NPFFR1: variants seen among roughly 807,000 people sequenced by gnomAD.
The protein encoded by NPFFR1 is G-protein coupled receptor 147.
Under a neutral mutation model 12.7 loss-of-function variants are expected in NPFFR1, and 17 were observed. The observed-to-expected ratio is 1.34, with a 90% CI of 0.92 to 2.01. NPFFR1 has a LOEUF of 2.01. Among genes scored for constraint, NPFFR1 ranks in the 30% most tolerant of loss-of-function variants. NPFFR1 has a pLI of 0.00. For synonymous variants in NPFFR1, 296 were observed against 264.5 expected (o/e 1.12, Z -1.16); for missense variants, 604 against 606.5 (o/e 1.00, Z 0.04).
Position 70,255,873 on chromosome 10 carries a change from C to A in NPFFR1, c.423-46G>T. Reference sequence around the variant, plus strand: ...GGCGGGATCTGGGTGGGTCCTAGGGCCCCTGCGAGGGGACGGTGGGTGGGA... The same window carrying A: ...GGCGGGATCTGGGTGGGTCCTAGGGACCCTGCGAGGGGACGGTGGGTGGGA... On this transcript the variant is annotated intron_variant, in intron 3 of 3. Coordinates refer to ENST00000277942, the MANE Select transcript of NPFFR1 (RefSeq NM_022146.5). The surrounding 1 kb of genome is among the most constrained non-coding windows in gnomAD (Gnocchi z 4.2). 6.5e-7 allele frequency: 1 copy of A among 1,546,850 alleles called. No homozygotes were observed.
chr10:70,254,944 T>C lies in NPFFR1; in HGVS notation c.*13A>G. On this transcript the variant is annotated 3_prime_UTR_variant, in exon 4 of 4. Transcript: ENST00000277942. ...GGGGCCCTGAGGCAGCGTCCCGCCC[T>C]CCCTGGACCCCCTCAGATATCCCAG... 2 of 944,818 alleles carry C rather than the reference T, an allele frequency of 2.1e-6. No individual in the cohort carries two copies. The highest frequency in any genetic ancestry group is 2.8e-6 in the Non-Finnish European group (2 of 711,388). The allele number at this position is 944,818 out of a possible 1,614,324, so 58.5% of individuals were successfully genotyped here. A position where few individuals can be genotyped will look rare whatever the true frequency, so the allele number is the denominator to read the frequency against.
chr10:70,258,304 C>CAA (rs35618176), intron 3 of NPFFR1, among the ~76,000 whole-genome samples: 55 of 137,132 alleles, frequency 4.0e-4, no homozygotes, highest in African/African-American at 1.1e-3. Flanking sequence ...ACCTTGTCTC[C>CAA]AAAAAAAAAA....
chr10:70,282,688 A>G (rs2136814264), intron 1 of NPFFR1, among the ~76,000 whole-genome samples: 1 of 152,290 alleles, frequency 6.6e-6, no homozygotes, highest in African/African-American at 2.4e-5. Context: ...GCTGAATGTT[A>G]AGTTCCCCCA....
chr10:70,272,211 G>GAAAGAGAGAGA (rs10664195), intron 1 of NPFFR1, among the ~76,000 whole-genome samples: 4 of 55,822 alleles, frequency 7.2e-5, no homozygotes, highest in Admixed American at 2.0e-4. Context: ...AAGAAAGAAA[G>GAAAGAGAGAGA]GAAAGAAAGA....
At chr10:70,262,977 G>A (rs1840648834) in intron 2 of NPFFR1, among the ~76,000 whole-genome samples, 1 of 152,080 alleles carries the variant, frequency 6.6e-6, no homozygotes, top group Admixed American at 6.6e-5. Context: ...GGGTAATATA[G>A]TGAGACTCTG....
chr10:70,273,062 G>A (rs1840766176), intron 1 of NPFFR1, among the ~76,000 whole-genome samples: 2 of 152,162 alleles, frequency 1.3e-5, no homozygotes, highest in Admixed American at 6.5e-5. Context: ...CTAATCAGAA[G>A]GAAACTGATA....
chr10:70,254,928 A>G lies in NPFFR1; in HGVS notation c.*29T>C. On this transcript the variant is annotated 3_prime_UTR_variant, in exon 4 of 4. Coordinates refer to ENST00000277942, the MANE Select transcript of NPFFR1 (RefSeq NM_022146.5). The stretch of plus-strand genomic sequence containing the variant: ...TATCTCGTGTCCAATCGGGGCCCTG[A>G]GGCAGCGTCCCGCCCTCCCTGGACC... 7.2e-7 allele frequency: 1 copy of G among 1,393,776 alleles called. No individual in the cohort carries two copies. Among genetic ancestry groups the G allele is most frequent in the South Asian group, 1.7e-5 (1 of 59,524 alleles). The allele number at this position is 1,393,776 out of a possible 1,614,324, so 86.3% of individuals were successfully genotyped here.
rs925126025 is a variant in NPFFR1 at position 70,254,532 on chromosome 10, C to G, written c.*425G>C. 1 of 165,712 alleles carries G rather than the reference C, an allele frequency of 6.0e-6. No individual in the cohort carries two copies. Among genetic ancestry groups the G allele is most frequent in the East Asian group, 1.7e-4 (1 of 5,772 alleles). 10.3% of individuals were successfully genotyped at this position (165,712 alleles called of 1,614,324 possible). ...GACTTACTCAGTTCACAGTGTTCTACCTTACCGGGCCCTCTTGGAGCCAGC... is the reference window on the plus strand; with the variant it reads ...GACTTACTCAGTTCACAGTGTTCTAGCTTACCGGGCCCTCTTGGAGCCAGC... On this transcript the variant is annotated 3_prime_UTR_variant, in exon 4 of 4. Coordinates refer to ENST00000277942, the MANE Select transcript of NPFFR1 (RefSeq NM_022146.5).
chr10:70,254,955 C>T lies in NPFFR1; in HGVS notation c.*2G>A. ...GCAGCGTCCCGCCCTCCCTGGACCCCCTCAGATATCCCAGGCTGGAATGGT... is the reference window on the plus strand; with the variant it reads ...GCAGCGTCCCGCCCTCCCTGGACCCTCTCAGATATCCCAGGCTGGAATGGT... On this transcript the variant is annotated 3_prime_UTR_variant, in exon 4 of 4. Coordinates refer to ENST00000277942, the MANE Select transcript of NPFFR1 (RefSeq NM_022146.5). 1 of 1,427,370 alleles carries T rather than the reference C, an allele frequency of 7.0e-7. No individual in the cohort carries two copies. Among genetic ancestry groups the T allele is most frequent in the Non-Finnish European group, 9.1e-7 (1 of 1,097,498 alleles). The allele number at this position is 1,427,370 out of a possible 1,614,324, so 88.4% of individuals were successfully genotyped here.
intron 1 of NPFFR1, among the ~76,000 whole-genome samples, chr10:70,270,354 T>C (rs184196451): frequency 6.6e-6 from 1 of 152,258 alleles, no homozygotes; most frequent in Non-Finnish European, 1.5e-5. Context: ...CAGCACCTGT[T>C]GGGAGACTTG....
chr10:70,255,683 G>GAAGT lies in NPFFR1; in HGVS notation c.563_566dup (p.Phe189LeufsTer199), dbSNP rs767093299. The GAAGT allele has an allele frequency of 6.2e-6, 10 of 1,604,760 alleles. No individual in the cohort carries two copies. The highest frequency in any genetic ancestry group is 8.5e-6 in the Non-Finnish European group (10 of 1,176,002). On this transcript the variant is annotated frameshift_variant, in exon 4 of 4. Transcript: ENST00000277942. LOFTEE classifies it low-confidence loss of function (END_TRUNC). The surrounding 1 kb of genome is among the most constrained non-coding windows in gnomAD (Gnocchi z 4.2). The stretch of plus-strand genomic sequence containing the variant: ...AGGAGCGGTTGCGGGCGTCCACCAT[G>GAAGT]AAGTGGTGCTCCTCACGGGTGACGG...
At position 70,250,958 on chromosome 10, in the gene NPFFR1, G is replaced by A. The variant is rs987619360; in HGVS notation, c.*3999C>T. The A allele has an allele frequency of 1.3e-5, 2 of 152,124 alleles. No individual in the cohort carries two copies. Among genetic ancestry groups the A allele is most frequent in the Non-Finnish European group, 2.9e-5 (2 of 68,024 alleles). The allele number at this position is 152,124 out of a possible 1,614,324, so 9.4% of individuals were successfully genotyped here. ...CTTGTCTCTTGCGGTAGGATTTTGG[G>A]TGCTTTTCATTTTCTTGTCTTTGCT... is the stretch of plus-strand genomic sequence containing the variant. On this transcript the variant is annotated 3_prime_UTR_variant, in exon 4 of 4. Coordinates refer to ENST00000277942, the MANE Select transcript of NPFFR1 (RefSeq NM_022146.5).
chr10:70,283,727 G>T lies in NPFFR1; in HGVS notation c.-51C>A, dbSNP rs1840886191. ...GGTCTCCGATGGCGGGAGGCAGCGG[G>T]CCCCTTCGGGCCAGCGGGCAGAGGG... On this transcript the variant is annotated 5_prime_UTR_variant, in exon 1 of 4. Coordinates refer to ENST00000277942, the MANE Select transcript of NPFFR1 (RefSeq NM_022146.5). 2.0e-6 allele frequency: 3 copies of T among 1,530,980 alleles called. No individual in the cohort carries two copies. Among genetic ancestry groups the T allele is most frequent in the Non-Finnish European group, 1.7e-6 (2 of 1,143,618 alleles). The allele number at this position is 1,530,980 out of a possible 1,614,324, so 94.8% of individuals were successfully genotyped here.
intron 1 of NPFFR1, among the ~76,000 whole-genome samples, chr10:70,280,797 T>C (rs1344393346): frequency 6.6e-6 from 1 of 150,818 alleles, no homozygotes; most frequent in Non-Finnish European, 1.5e-5. Context: ...AGGTCAGGAG[T>C]TCAAGACCAG....
At chr10:70,283,291 C>T (rs1840880976) in intron 1 of NPFFR1, among the ~76,000 whole-genome samples, 1 of 151,172 alleles carries the variant, frequency 6.6e-6, no homozygotes, top group Non-Finnish European at 1.5e-5. Context: ...AAGTGTTTCT[C>T]TGCCTGTCTC....
intron 2 of NPFFR1, among the ~76,000 whole-genome samples, chr10:70,264,167 A>G (rs1840663740): frequency 6.6e-6 from 1 of 152,176 alleles, no homozygotes; most frequent in Non-Finnish European, 1.5e-5. Flanking sequence ...TGAGATCAAG[A>G]GTTCAAAACC....
In NPFFR1 at chr10:70,250,741, C is replaced by T. The variant is rs1016400637; in HGVS notation, c.*4216G>A. ...TGGGAAAGGACTGACTATAAATTAG[C>T]ACAAGGAAACATTTTAGGATGATGA... On this transcript the variant is annotated 3_prime_UTR_variant, in exon 4 of 4. Transcript: ENST00000277942. The T allele has an allele frequency of 2.0e-5, 3 of 152,150 alleles. No individual in the cohort carries two copies. The highest frequency in any genetic ancestry group is 7.2e-5 in the African/African-American group (3 of 41,416). 9.4% of individuals were successfully genotyped at this position (152,150 alleles called of 1,614,324 possible). A position where few individuals can be genotyped will look rare whatever the true frequency, so the allele number is the denominator to read the frequency against.
chr10:70,281,778 A>T (rs1840865234), intron 1 of NPFFR1, among the ~76,000 whole-genome samples: 1 of 152,056 alleles, frequency 6.6e-6, no homozygotes, highest in African/African-American at 2.4e-5. Context: ...CTCATTTTTT[A>T]TTTAATTTAC....
intron 1 of NPFFR1, among the ~76,000 whole-genome samples, chr10:70,281,002 AAACAAC>A (rs144095454): frequency 6.6e-6 from 1 of 151,864 alleles, no homozygotes; most frequent in Non-Finnish European, 1.5e-5. Context: ...ACTCCGTCTC[AAACAAC>A]AACAACAACA....
Sources: gnomAD v4.1 joint callset for allele counts (sites outside exome capture counted in the v4.1 genomes callset) on GRCh38, gnomAD v4.1.1 for gene constraint, Gnocchi (gnomAD v3.1) non-coding constraint, MANE v1.5 for transcripts, NCBI Gene and HGNC (gene_info 2026-07-23, HGNC 2026-07-21) for gene names.